The following GRM3 variants were observed in gnomAD, a reference collection of about 807,000 sequenced individuals.
GRM3 encodes the protein glutamate metabotropic receptor 3.
GRM3 carries 26 observed loss-of-function variants against 70.5 expected under a neutral mutation model. The ratio of observed to expected loss-of-function variants is 0.37; its 90% CI spans 0.27 to 0.51. The LOEUF (loss-of-function observed/expected upper bound fraction) is 0.51, where lower values mean the gene tolerates loss of function less well. Among genes scored for constraint, GRM3 ranks in the 20% least tolerant of loss-of-function variants. The probability of loss-of-function intolerance (pLI) is 0.93; values close to 1 mark genes in which losing one functional copy is unlikely to be tolerated. For synonymous variants in GRM3, 443 were observed against 434.9 expected (o/e 1.02, Z -0.23); for missense variants, 859 against 1,123.8 (o/e 0.76, Z 3.37).
chr7:86,799,956 A>T (rs1450922224), intron 3 of GRM3, among the ~76,000 whole-genome samples: 1 of 152,134 alleles, frequency 6.6e-6, no homozygotes, highest in African/African-American at 2.4e-5. Context: ...TATATGTTGA[A>T]CCAGGCTTGC....
At chr7:86,731,001 C>T (rs1795722720) in intron 1 of GRM3, among the ~76,000 whole-genome samples, 2 of 152,090 alleles carry the variant, frequency 1.3e-5, no homozygotes, top group Admixed American at 1.3e-4. Context: ...TCTGTATGTC[C>T]CCCTCAAATC....
At chr7:86,654,285 A>C (rs1001323926) in intron 1 of GRM3, among the ~76,000 whole-genome samples, 6 of 152,178 alleles carry the variant, frequency 3.9e-5, no homozygotes, top group African/African-American at 1.4e-4. Context: ...AGCTGACTTC[A>C]TGAAGAGAAA....
chr7:86,825,381 T>C (rs1359927830), intron 3 of GRM3, among the ~76,000 whole-genome samples: 1 of 152,234 alleles, frequency 6.6e-6, no homozygotes, highest in East Asian at 1.9e-4. Flanking sequence ...CGTGTGGATA[T>C]GCTTGAAGAT....
chr7:86,781,109 G>T (rs1007493570), intron 2 of GRM3, among the ~76,000 whole-genome samples: 20 of 152,042 alleles, frequency 1.3e-4, no homozygotes, highest in Admixed American at 3.3e-4. Context: ...ATGGGATAAT[G>T]GTAGTATCTA....
At chr7:86,801,064 C>CTTTTTTTTTTTT (rs67046105) in intron 3 of GRM3, among the ~76,000 whole-genome samples, 1 of 86,824 alleles carries the variant, frequency 1.2e-5, no homozygotes, top group Non-Finnish European at 2.1e-5. Flanking sequence ...CAAACTTCTT[C>CTTTTTTTTTTTT]TTTTTTTTTT....
intron 1 of GRM3, among the ~76,000 whole-genome samples, chr7:86,747,880 C>T (rs925785031): frequency 9.2e-5 from 14 of 152,082 alleles, no homozygotes; most frequent in African/African-American, 3.1e-4. Context: ...ACTTACAGAA[C>T]CCTTGCTCTG....
intron 4 of GRM3, among the ~76,000 whole-genome samples, chr7:86,845,134 C>T (rs1270736842): frequency 2.0e-5 from 3 of 152,114 alleles, no homozygotes; most frequent in Non-Finnish European, 4.4e-5. Context: ...AGGTGATCTT[C>T]CCACCTCAGC....
chr7:86,724,848 C>T (rs1375750536), intron 1 of GRM3, among the ~76,000 whole-genome samples: 5 of 152,054 alleles, frequency 3.3e-5, no homozygotes, highest in African/African-American at 7.2e-5. Flanking sequence ...GGTCTTCTAA[C>T]GTTGCCTCAT....
At chr7:86,823,186 C>G (rs1798158097) in intron 3 of GRM3, among the ~76,000 whole-genome samples, 1 of 152,158 alleles carries the variant, frequency 6.6e-6, no homozygotes, top group African/African-American at 2.4e-5. Context: ...TGCCAATATG[C>G]TGGACATATT....
chr7:86,820,235 G>A (rs1039900317), intron 3 of GRM3, among the ~76,000 whole-genome samples: 17 of 152,030 alleles, frequency 1.1e-4, no homozygotes, highest in African/African-American at 1.2e-4. Flanking sequence ...ACCAAATATC[G>A]AATGGTTTTG....
At chr7:86,862,131 C>T (rs1212395862) in intron 5 of GRM3, among the ~76,000 whole-genome samples, 1 of 152,126 alleles carries the variant, frequency 6.6e-6, no homozygotes, top group Non-Finnish European at 1.5e-5. Context: ...TAAATGGAGG[C>T]AGGTTAGGGA....
chr7:86,648,505 T>C (rs985794096), intron 1 of GRM3, among the ~76,000 whole-genome samples: 1 of 152,174 alleles, frequency 6.6e-6, no homozygotes, highest in Admixed American at 6.5e-5. Flanking sequence ...ATAGTGTATA[T>C]AGTTTAGATG....
At chr7:86,731,533 C>A (rs1795734463) in intron 1 of GRM3, among the ~76,000 whole-genome samples, 1 of 152,142 alleles carries the variant, frequency 6.6e-6, no homozygotes, top group African/African-American at 2.4e-5. Context: ...TAATATACTG[C>A]CGGATTATTT....
chr7:86,826,643 T>G (rs1283655302), intron 3 of GRM3, among the ~76,000 whole-genome samples: 1 of 152,208 alleles, frequency 6.6e-6, no homozygotes, highest in Non-Finnish European at 1.5e-5. Flanking sequence ...AAGGAATTTA[T>G]CAGGCATAGA....
chr7:86,683,831 A>G (rs1794498226), intron 1 of GRM3, among the ~76,000 whole-genome samples: 2 of 152,148 alleles, frequency 1.3e-5, no homozygotes, highest in Admixed American at 6.6e-5. Flanking sequence ...CCATTTCTAT[A>G]TCTAGTACAA....
chr7:86,688,649 T>C (rs1443537520), intron 1 of GRM3, among the ~76,000 whole-genome samples: 1 of 150,638 alleles, frequency 6.6e-6, no homozygotes, highest in African/African-American at 2.4e-5. Flanking sequence ...TTATAGAACA[T>C]TATATCCAAC....
chr7:86,755,519 A>G lies in GRM3; in HGVS notation c.-140-9487A>G, dbSNP rs75281105. 8.7e-3 allele frequency among the ~76,000 whole-genome samples: 1,327 copies of G among 152,268 alleles called. 16 individuals carry two copies. The highest frequency in any genetic ancestry group is 0.03 in the African/African-American group (1,267 of 41,558). ...GAGATATGCCAGAGAGGGGACCAGA[A>G]TAGCCAGAAAGATGGAGAAATGCTC... On this transcript the variant is annotated intron_variant, in intron 1 of 5. Transcript: ENST00000361669.
chr7:86,660,005 G>A (rs1793851911), intron 1 of GRM3, among the ~76,000 whole-genome samples: 1 of 151,892 alleles, frequency 6.6e-6, no homozygotes, highest in South Asian at 2.1e-4. Context: ...TCATTGGTCA[G>A]GAAAGAAAAC....
chr7:86,805,846 T>C (rs1797778966), intron 3 of GRM3, among the ~76,000 whole-genome samples: 1 of 152,164 alleles, frequency 6.6e-6, no homozygotes, highest in African/African-American at 2.4e-5. Flanking sequence ...TGCGTTGCAC[T>C]CATTAACTCA....
Sources: allele counts gnomAD v4.1 joint callset (sites outside exome capture counted in the v4.1 genomes callset), GRCh38; gene constraint gnomAD v4.1.1; transcripts MANE v1.5; gene names NCBI Gene and HGNC (gene_info 2026-07-23, HGNC 2026-07-21).